The following BCKDHB variants were observed in gnomAD, a reference collection of about 807,000 sequenced individuals.
BCKDHB encodes 2-oxoisovalerate dehydrogenase subunit beta, mitochondrial.
Under a neutral mutation model 48.5 loss-of-function variants are expected in BCKDHB, and 41 were observed. The observed-to-expected ratio is 0.85, with a 90% CI of 0.66 to 1.10. The LOEUF is 1.10. Among genes scored for constraint, BCKDHB ranks in the 50% least tolerant of loss-of-function variants. BCKDHB has a pLI of 0.00. For missense variants in BCKDHB, 496 were observed against 494.2 expected, an observed-to-expected ratio of 1.00 and a Z score of -0.03; for synonymous variants, 201 against 174.8, an observed-to-expected ratio of 1.15 and a Z score of -1.18.
intron 9 of BCKDHB, among the ~76,000 whole-genome samples, chr6:80,334,778 C>T (rs1172008909): frequency 6.6e-6 from 1 of 150,756 alleles, no homozygotes; most frequent in African/African-American, 2.4e-5. Context: ...TAAACATACA[C>T]TAAAAGAAAT....
chr6:80,277,781 A>G (rs980478488), intron 9 of BCKDHB, among the ~76,000 whole-genome samples: 6 of 151,968 alleles, frequency 3.9e-5, no homozygotes, highest in Middle Eastern at 3.4e-3. Flanking sequence ...TTTTCTTAGC[A>G]TAAGAACTCA....
At chr6:80,398,048 C>A in the BCKDHB span, among the ~76,000 whole-genome samples, 1 of 152,090 alleles carries the variant, frequency 6.6e-6, no homozygotes, top group South Asian at 2.1e-4. Flanking sequence ...AAAGAATCAT[C>A]ATATCAGTAG....
At chr6:80,224,203 T>C (rs1260494055) in intron 8 of BCKDHB, among the ~76,000 whole-genome samples, 1 of 152,154 alleles carries the variant, frequency 6.6e-6, no homozygotes, top group Non-Finnish European at 1.5e-5. Flanking sequence ...GTGCTGTTCA[T>C]GGGACTCTAA....
At chr6:80,188,859 G>C (rs1249013356) in intron 6 of BCKDHB, among the ~76,000 whole-genome samples, 1 of 152,172 alleles carries the variant, frequency 6.6e-6, no homozygotes, top group Non-Finnish European at 1.5e-5. Context: ...AGTAGCCATT[G>C]ATGGGGTGGT....
At chr6:80,411,081 T>C in the BCKDHB span, among the ~76,000 whole-genome samples, 1 of 152,132 alleles carries the variant, frequency 6.6e-6, no homozygotes, top group Non-Finnish European at 1.5e-5. Context: ...ATCTTTGTGG[T>C]TTTATCTACC....
intron 8 of BCKDHB, among the ~76,000 whole-genome samples, chr6:80,211,186 A>AT (rs1774916556): frequency 6.6e-6 from 1 of 152,230 alleles, no homozygotes; most frequent in Non-Finnish European, 1.5e-5. Context: ...TGATTTTCAC[A>AT]TATCTATAGA....
chr6:80,305,650 C>T (rs1241694488), intron 9 of BCKDHB, among the ~76,000 whole-genome samples: 1 of 152,040 alleles, frequency 6.6e-6, no homozygotes, highest in Non-Finnish European at 1.5e-5. Flanking sequence ...TGAGTGAGGG[C>T]TGATTTCTGC....
At chr6:80,390,514 A>G in the BCKDHB span, among the ~76,000 whole-genome samples, 1 of 152,202 alleles carries the variant, frequency 6.6e-6, no homozygotes, top group Non-Finnish European at 1.5e-5. Context: ...ACTTGTGCTA[A>G]GAAAATATCT....
the BCKDHB span, among the ~76,000 whole-genome samples, chr6:80,455,694 T>C: frequency 6.6e-6 from 1 of 151,948 alleles, no homozygotes; most frequent in Non-Finnish European, 1.5e-5. Flanking sequence ...CCTCTCTGCA[T>C]GTTTTCAATC....
intron 9 of BCKDHB, among the ~76,000 whole-genome samples, chr6:80,279,395 ATCC>A (rs1181181470): frequency 1.3e-5 from 2 of 152,000 alleles, no homozygotes; most frequent in Non-Finnish European, 2.9e-5. Flanking sequence ...ACCTCAAGTG[ATCC>A]TCCTGCCTCT....
the BCKDHB span, among the ~76,000 whole-genome samples, chr6:80,449,649 G>A: frequency 6.6e-6 from 1 of 152,148 alleles, no homozygotes; most frequent in African/African-American, 2.4e-5. Flanking sequence ...GATGTTGTGT[G>A]AACTTCAAAT....
At chr6:80,349,410 A>T (rs1420061486), downstream of BCKDHB, among the ~76,000 whole-genome samples, 1 of 151,874 alleles carries the variant, frequency 6.6e-6, no homozygotes, top group Non-Finnish European at 1.5e-5. Context: ...TGCAACACAA[A>T]TGAGGGGTGG....
intron 6 of BCKDHB, among the ~76,000 whole-genome samples, chr6:80,188,010 A>G (rs1380983950): frequency 1.3e-5 from 2 of 152,218 alleles, no homozygotes; most frequent in African/African-American, 2.4e-5. Context: ...TCATTCTACC[A>G]TAAAGACACA....
intron 9 of BCKDHB, among the ~76,000 whole-genome samples, chr6:80,312,773 G>T (rs1231234423): frequency 6.6e-6 from 1 of 152,166 alleles, no homozygotes; most frequent in Admixed American, 6.5e-5. Context: ...CATCCCACGG[G>T]TGAAGCCAGC....
At chr6:80,187,106 AAATGGGAGCT>A (rs1773679348) in intron 6 of BCKDHB, among the ~76,000 whole-genome samples, 1 of 152,200 alleles carries the variant, frequency 6.6e-6, no homozygotes. Flanking sequence ...CTGTCTGTCC[AAATGGGAGCT>A]ACATGTTAGT....
chr6:80,130,786 A>G (rs1770588249), intron 3 of BCKDHB, among the ~76,000 whole-genome samples: 1 of 152,196 alleles, frequency 6.6e-6, no homozygotes, highest in South Asian at 2.1e-4. Context: ...ATACTTCTAG[A>G]CTGTATTTGA....
At chr6:80,353,517 C>T in the BCKDHB span, among the ~76,000 whole-genome samples, 3 of 148,382 alleles carry the variant, frequency 2.0e-5, no homozygotes, top group Non-Finnish European at 4.5e-5. Context: ...ATTCTTTTTT[C>T]TCTTCATTCT....
the BCKDHB span, among the ~76,000 whole-genome samples, chr6:80,458,192 A>AT: frequency 3.3e-5 from 5 of 152,148 alleles, no homozygotes; most frequent in East Asian, 1.9e-4. Flanking sequence ...AGTCATCTTA[A>AT]TTTTTTCTGC....
Position 80,270,013 on chromosome 6 carries a change from A to G in BCKDHB, c.952-3122A>G, listed in dbSNP as rs547933849. On this transcript the variant is annotated intron_variant, in intron 8 of 9. Transcript: ENST00000320393. The stretch of plus-strand genomic sequence containing the variant: ...TATCTAATTAAAATAGACAGAATAG[A>G]AAGAAATAACATTCTCTTGTTTTGT... Among the ~76,000 whole-genome samples, 3 of 152,228 alleles carry G rather than the reference A, an allele frequency of 2.0e-5. No homozygotes were observed. In the East Asian group the frequency reaches 5.8e-4, roughly 29 times the overall value.
Sources: gnomAD v4.1 joint callset for allele counts (sites outside exome capture counted in the v4.1 genomes callset) on GRCh38, gnomAD v4.1.1 for gene constraint, MANE v1.5 for transcripts, NCBI Gene and HGNC (gene_info 2026-07-23, HGNC 2026-07-21) for gene names.